The following PRKD1 variants were observed in gnomAD, a reference collection of about 807,000 sequenced individuals.
The protein encoded by PRKD1 is serine/threonine-protein kinase D1.
In PRKD1, 63 loss-of-function variants were observed where a neutral mutation model predicts 95.9. The ratio of observed to expected loss-of-function variants is 0.66; its 90% CI spans 0.54 to 0.81. The LOEUF (loss-of-function observed/expected upper bound fraction) is 0.81, where lower values mean the gene tolerates loss of function less well. Ranked by LOEUF, PRKD1 falls within the 30% of genes least tolerant of loss-of-function variation. The pLI, the probability that PRKD1 is intolerant of heterozygous loss-of-function variation, is 0.00. For missense variants in PRKD1, 1,048 were observed against 1,165.3 expected, an observed-to-expected ratio of 0.90 and a Z score of 1.47; for synonymous variants, 425 against 423.1, an observed-to-expected ratio of 1.00 and a Z score of -0.05.
chr14:29,619,205 G>C (rs1337318304), intron 13 of PRKD1, among the ~76,000 whole-genome samples: 3 of 151,864 alleles, frequency 2.0e-5, no homozygotes, highest in African/African-American at 7.3e-5. Flanking sequence ...TGAGTTGCAA[G>C]CCAACCCCAC....
chr14:29,698,163 G>A (rs1466060484), intron 2 of PRKD1, among the ~76,000 whole-genome samples: 1 of 151,994 alleles, frequency 6.6e-6, no homozygotes, highest in African/African-American at 2.4e-5. Context: ...TTAAGTTTTG[G>A]AAAAACTGAA....
intron 2 of PRKD1, among the ~76,000 whole-genome samples, chr14:29,719,021 AAATT>A (rs1310749137): frequency 2.0e-5 from 3 of 152,060 alleles, no homozygotes; most frequent in Non-Finnish European, 4.4e-5. Context: ...TATCTAAGAG[AAATT>A]AATATATAAA....
intron 13 of PRKD1, among the ~76,000 whole-genome samples, chr14:29,608,337 A>G (rs1878166611): frequency 6.6e-6 from 1 of 152,180 alleles, no homozygotes; most frequent in Non-Finnish European, 1.5e-5. Flanking sequence ...TAGTGAATGA[A>G]AAATAAACTT....
chr14:29,679,698 C>T (rs1883423965), intron 2 of PRKD1, among the ~76,000 whole-genome samples: 1 of 149,562 alleles, frequency 6.7e-6, no homozygotes, highest in Non-Finnish European at 1.5e-5. Context: ...GAAAGATTAG[C>T]TGTAAAAGAT....
intron 1 of PRKD1, among the ~76,000 whole-genome samples, chr14:29,870,767 A>C (rs796657898): frequency 5.3e-5 from 8 of 152,306 alleles, no homozygotes; most frequent in African/African-American, 1.7e-4. Context: ...ATTATATTTA[A>C]AACTCAGTGT....
intron 2 of PRKD1, among the ~76,000 whole-genome samples, chr14:29,719,993 G>T (rs1885807811): frequency 6.6e-6 from 1 of 152,204 alleles, no homozygotes. Context: ...AAAGAGACTT[G>T]CAGCAAATAA....
At chr14:29,871,064 G>GA (rs1303308535) in intron 1 of PRKD1, among the ~76,000 whole-genome samples, 13 of 152,144 alleles carry the variant, frequency 8.5e-5, no homozygotes, top group Admixed American at 6.5e-4. Context: ...CTTGCCACAT[G>GA]AATCGCTCAT....
Position 29,596,186 on chromosome 14 carries a change from T to C in PRKD1, c.2434+1305A>G, listed in dbSNP as rs1308501115. Among the ~76,000 whole-genome samples, 3 of 152,204 alleles carry C rather than the reference T, an allele frequency of 2.0e-5. No homozygotes were observed. The East Asian group carries it at 5.8e-4, about 29-fold the overall frequency. ...TTGTCATTTAATACCAATAGCAGTC[T>C]AATAACTTAATTTCTCCTAAGCGGT... On this transcript the variant is annotated intron_variant, in intron 16 of 17. Transcript: ENST00000331968.
At position 29,707,594 on chromosome 14, in the gene PRKD1, G is replaced by C. The variant is rs182254074; in HGVS notation, c.403+17942C>G. ...AATAGATAATTTATGATATATATCT[G>C]TAAGTCCAGTATCACTCACCTCTCC... On this transcript the variant is annotated intron_variant, in intron 2 of 17. Coordinates refer to ENST00000331968, the MANE Select transcript of PRKD1 (RefSeq NM_002742.3). 5.1e-4 allele frequency among the ~76,000 whole-genome samples: 77 copies of C among 152,200 alleles called. 1 individual carries two copies. The highest frequency in any genetic ancestry group is 1.8e-3 in the African/African-American group (75 of 41,532).
intron 2 of PRKD1, among the ~76,000 whole-genome samples, chr14:29,701,980 G>T (rs1351410406): frequency 6.6e-6 from 1 of 152,076 alleles, no homozygotes; most frequent in Non-Finnish European, 1.5e-5. Flanking sequence ...TTTATCAAAT[G>T]AAATAAATTC....
At chr14:29,725,846 TC>T (rs1886115723) in intron 1 of PRKD1, among the ~76,000 whole-genome samples, 172 bp from the exon 2 acceptor site, 1 of 152,056 alleles carries the variant, frequency 6.6e-6, no homozygotes, top group Admixed American at 6.6e-5. Flanking sequence ...TTGGGAAGAC[TC>T]CAAATCAGAA....
In PRKD1 at chr14:29,576,988, C is replaced by G; in HGVS notation, c.*250G>C. On this transcript the variant is annotated 3_prime_UTR_variant, in exon 18 of 18. Coordinates refer to ENST00000331968, the MANE Select transcript of PRKD1 (RefSeq NM_002742.3). ...GACAGGTTTAATGCATTAAATATAACATGAATCATTCACAATAACAAGTTT... is the reference window on the plus strand; with the variant it reads ...GACAGGTTTAATGCATTAAATATAAGATGAATCATTCACAATAACAAGTTT... 1.9e-6 allele frequency: 1 copy of G among 529,158 alleles called. No individual in the cohort carries two copies. The highest frequency in any genetic ancestry group is 3.4e-6 in the Non-Finnish European group (1 of 292,816). The allele number at this position is 529,158 out of a possible 1,614,324, so 32.8% of individuals were successfully genotyped here. A position where few individuals can be genotyped will look rare whatever the true frequency, so the allele number is the denominator to read the frequency against.
intron 1 of PRKD1, among the ~76,000 whole-genome samples, chr14:29,770,930 C>CAAAAAA (rs753745571): frequency 2.1e-5 from 1 of 47,156 alleles, no homozygotes; most frequent in Non-Finnish European, 5.3e-5. Flanking sequence ...AGACACTGTC[C>CAAAAAA]AAAAAAAAAA....
chr14:29,916,892 G>A (rs1218509309), intron 1 of PRKD1, among the ~76,000 whole-genome samples: 1 of 152,080 alleles, frequency 6.6e-6, no homozygotes, highest in Non-Finnish European at 1.5e-5. Flanking sequence ...GCTCCCTTAA[G>A]TGTGTTCCTC....
intron 1 of PRKD1, among the ~76,000 whole-genome samples, chr14:29,737,190 C>T (rs538642601): frequency 1.2e-3 from 176 of 150,794 alleles, no homozygotes; most frequent in Middle Eastern, 3.4e-3. Flanking sequence ...GGCGCGGTGG[C>T]GGGCGCCTGT....
At chr14:29,630,548 G>A (rs1440434545) in intron 10 of PRKD1, 194 bp downstream of exon 10, 5 of 644,576 alleles carry the variant, frequency 7.8e-6, no homozygotes, top group African/African-American at 3.7e-5. Context: ...TAATAAAATA[G>A]GATAATTTAA....
chr14:29,708,027 G>A (rs1165601278), intron 2 of PRKD1, among the ~76,000 whole-genome samples: 1 of 152,054 alleles, frequency 6.6e-6, no homozygotes. Flanking sequence ...CTTACATTTG[G>A]AGGCTCACCT....
intron 1 of PRKD1, among the ~76,000 whole-genome samples, chr14:29,779,395 C>T (rs1160192584): frequency 2.6e-5 from 4 of 152,220 alleles, no homozygotes; most frequent in Admixed American, 6.5e-5. Flanking sequence ...ACCCCATCGT[C>T]TCAGCCCCAA....
chr14:29,923,273 C>T (rs1895188600), intron 1 of PRKD1, among the ~76,000 whole-genome samples: 1 of 148,678 alleles, frequency 6.7e-6, no homozygotes, highest in African/African-American at 2.5e-5. Flanking sequence ...AAATTCTATA[C>T]TTCATCATTA....
Sources: gnomAD v4.1 joint callset for allele counts (sites outside exome capture counted in the v4.1 genomes callset) on GRCh38, gnomAD v4.1.1 for gene constraint, MANE v1.5 for transcripts, NCBI Gene and HGNC (gene_info 2026-07-23, HGNC 2026-07-21) for gene names.